SCRN1: variants seen among roughly 807,000 people sequenced by gnomAD.
SCRN1 encodes the protein secernin 1, also known as secernin-1.
SCRN1 carries 19 observed loss-of-function variants against 43.3 expected under a neutral mutation model. The ratio of observed to expected loss-of-function variants is 0.44; its 90% CI spans 0.31 to 0.64. The LOEUF (loss-of-function observed/expected upper bound fraction) is 0.64. SCRN1 is among the 30% of genes least tolerant of loss of function. The pLI is 0.09. For missense variants in SCRN1, 447 were observed against 524.1 expected, an observed-to-expected ratio of 0.85 and a Z score of 1.44; for synonymous variants, 183 against 188.9, an observed-to-expected ratio of 0.97 and a Z score of 0.26.
At chr7:29,938,201 G>A (rs1787406326) in intron 5 of SCRN1, among the ~76,000 whole-genome samples, 1 of 152,044 alleles carries the variant, frequency 6.6e-6, no homozygotes, top group Admixed American at 6.5e-5. Flanking sequence ...GTTAATTTTT[G>A]TATTTTTTTG....
In SCRN1 at chr7:29,948,057, G is replaced by C. The variant is rs1376416976; in HGVS notation, c.342-3878C>G. The stretch of plus-strand genomic sequence containing the variant: ...TATAGCAGCCCAAATGGACTAAGAC[G>C]AGTGATAACACAGGTGATGGATGTG... On this transcript the variant is annotated intron_variant, in intron 3 of 7. Transcript: ENST00000242059. Among the ~76,000 whole-genome samples the C allele has an allele frequency of 2.0e-5, 3 of 152,300 alleles. No individual in the cohort carries two copies. The East Asian group carries it at 5.8e-4, about 29-fold the overall frequency.
rs555506209 is a variant in SCRN1 at position 29,954,233 on chromosome 7, G to C, written c.341+946C>G. Among the ~76,000 whole-genome samples, 236 of 152,144 alleles carry C rather than the reference G, an allele frequency of 1.6e-3. 2 individuals are homozygous for C. The highest frequency in any genetic ancestry group is 5.5e-3 in the African/African-American group (229 of 41,494). The stretch of plus-strand genomic sequence containing the variant: ...CTTCTGCTGTGTAGTGGCTGGGAGA[G>C]GGGAAAAAGGAAGAAAAAATAACTG... On this transcript the variant is annotated intron_variant, in intron 3 of 7. Transcript: ENST00000242059.
At chr7:29,946,563 A>T (rs1787744596) in intron 3 of SCRN1, among the ~76,000 whole-genome samples, 2 of 151,842 alleles carry the variant, frequency 1.3e-5, no homozygotes, top group South Asian at 4.2e-4. Flanking sequence ...TTTCCAGTGT[A>T]CTCTTCTGAT....
chr7:29,934,623 C>G (rs994960365), intron 6 of SCRN1, among the ~76,000 whole-genome samples: 8 of 152,220 alleles, frequency 5.3e-5, no homozygotes, highest in African/African-American at 1.9e-4. Context: ...GGCCCAGACA[C>G]AAAGGGAAGA....
intron 6 of SCRN1, among the ~76,000 whole-genome samples, chr7:29,935,344 T>C (rs1283301050): frequency 6.6e-6 from 1 of 152,238 alleles, no homozygotes; most frequent in African/African-American, 2.4e-5. Flanking sequence ...GCAATCACTG[T>C]CTTATATTCC....
At chr7:29,977,858 C>T (rs1788879632) in intron 1 of SCRN1, among the ~76,000 whole-genome samples, 1 of 152,170 alleles carries the variant, frequency 6.6e-6, no homozygotes, top group African/African-American at 2.4e-5. Flanking sequence ...AATGCTTATA[C>T]CTACTTACAA....
upstream of SCRN1, chr7:29,990,126 A>G (rs1226029091): frequency 2.5e-5 from 38 of 1,550,684 alleles, no homozygotes; most frequent in Non-Finnish European, 3.1e-5. Context: ...TTTGGTTGCT[A>G]CGTCCGGGCC....
chr7:29,939,912 G>A (rs1277919431), intron 5 of SCRN1, among the ~76,000 whole-genome samples: 1 of 152,020 alleles, frequency 6.6e-6, no homozygotes. Flanking sequence ...CACTTTGGGA[G>A]GCCAAGGCGG....
chr7:29,953,155 C>T (rs1788010894), intron 3 of SCRN1, among the ~76,000 whole-genome samples: 1 of 152,240 alleles, frequency 6.6e-6, no homozygotes, highest in Admixed American at 6.5e-5. Context: ...GAAGGCCACA[C>T]CCTGGAATTC....
chr7:29,941,545 C>T (rs1485731299), intron 4 of SCRN1, among the ~76,000 whole-genome samples: 1 of 152,014 alleles, frequency 6.6e-6, no homozygotes, highest in Admixed American at 6.6e-5. Flanking sequence ...TGTGTGTGTG[C>T]ACACATGCGT....
At chr7:29,957,315 G>C (rs1465181753) in intron 2 of SCRN1, among the ~76,000 whole-genome samples, 1 of 152,158 alleles carries the variant, frequency 6.6e-6, no homozygotes, top group Non-Finnish European at 1.5e-5. Context: ...AAATTCCTAC[G>C]AGCCCAGGCC....
intron 1 of SCRN1, among the ~76,000 whole-genome samples, chr7:29,988,393 C>T (rs1789231971): frequency 6.6e-6 from 1 of 152,102 alleles, no homozygotes; most frequent in South Asian, 2.1e-4. Context: ...TCCAAACTTC[C>T]CACTTAACAA....
intron 1 of SCRN1, among the ~76,000 whole-genome samples, chr7:29,987,514 G>T (rs1057034886): frequency 6.6e-6 from 1 of 152,140 alleles, no homozygotes; most frequent in Non-Finnish European, 1.5e-5. Flanking sequence ...TTGCCTCAAA[G>T]ACTTTACTAA....
intron 2 of SCRN1, among the ~76,000 whole-genome samples, chr7:29,964,412 C>T (rs1007040882): frequency 2.7e-5 from 4 of 149,552 alleles, no homozygotes; most frequent in African/African-American, 9.9e-5. Flanking sequence ...AAAAGCCAAT[C>T]TGAAAAGGCT....
intron 3 of SCRN1, chr7:29,947,346 G>C (rs900387202): frequency 6.5e-7 from 1 of 1,548,206 alleles, no homozygotes; most frequent in East Asian, 2.4e-5. Flanking sequence ...GGTCACACCT[G>C]TACTTCTCCT....
intron 6 of SCRN1, among the ~76,000 whole-genome samples, chr7:29,927,268 G>A (rs1319084726): frequency 6.6e-6 from 1 of 152,100 alleles, no homozygotes; most frequent in Admixed American, 6.5e-5. Context: ...AGTTCTCTCG[G>A]CAGGATGGAT....
rs1310742477 is a variant in SCRN1, at chr7:29,940,880, CAG to C, written c.545-6_545-5del. 7.9e-6 allele frequency: 12 copies of C among 1,514,382 alleles called. No homozygotes were observed. Among genetic ancestry groups the C allele is most frequent in the Non-Finnish European group, 1.1e-5 (12 of 1,137,866 alleles). 93.8% of individuals were successfully genotyped at this position (1,514,382 alleles called of 1,614,324 possible). A position where few individuals can be genotyped will look rare whatever the true frequency, so the allele number is the denominator to read the frequency against. ...CTGCAAATGCACCTCACTCCCTCTG[CAG>C]AGAGTGCAAAGCCCCATAAGTTAAA... On this transcript the variant is annotated splice_region_variant and splice_polypyrimidine_tract_variant and intron_variant, in intron 4 of 7. Coordinates refer to ENST00000242059, the MANE Select transcript of SCRN1 (RefSeq NM_014766.5).
intron 2 of SCRN1, among the ~76,000 whole-genome samples, chr7:29,956,815 C>T (rs1016156809): frequency 3.9e-5 from 6 of 152,090 alleles, no homozygotes; most frequent in African/African-American, 1.4e-4. Context: ...GATTTTCCCT[C>T]TATGCAGTTC....
Position 29,989,778 on chromosome 7 carries a change from G to A in SCRN1, c.-138C>T. The A allele has an allele frequency of 1.0e-6, 1 of 986,770 alleles. No homozygotes were observed. Among genetic ancestry groups the A allele is most frequent in the Non-Finnish European group, 1.2e-6 (1 of 831,062 alleles). The allele number at this position is 986,770 out of a possible 1,614,324, so 61.1% of individuals were successfully genotyped here. ...AGCTGCAGTGGCGGAGGCGGCCGCC[G>A]GGCGCTTCCCCCTACCCAGACTCCC... On this transcript the variant is annotated 5_prime_UTR_variant, in exon 1 of 8. Coordinates refer to ENST00000242059, the MANE Select transcript of SCRN1 (RefSeq NM_014766.5).
Sources: allele counts gnomAD v4.1 joint callset (sites outside exome capture counted in the v4.1 genomes callset), GRCh38; gene constraint gnomAD v4.1.1; transcripts MANE v1.5; gene names NCBI Gene and HGNC (gene_info 2026-07-23, HGNC 2026-07-21).